The following KMT2C variants were observed in gnomAD, a reference collection of about 807,000 sequenced individuals.
KMT2C encodes histone-lysine N-methyltransferase 2C.
In KMT2C, 88 loss-of-function variants were observed where a neutral mutation model predicts 507.9. The ratio of observed to expected loss-of-function variants is 0.17; its 90% CI spans 0.15 to 0.21. The LOEUF (loss-of-function observed/expected upper bound fraction) is 0.21, where lower values mean the gene tolerates loss of function less well. KMT2C is among the 10% of genes least tolerant of loss of function. The pLI is 1.00. For synonymous variants in KMT2C, 2,049 were observed against 2,080.8 expected (o/e 0.98, Z 0.42); for missense variants, 4,954 against 5,957.8 (o/e 0.83, Z 5.55).
intron 43 of KMT2C, among the ~76,000 whole-genome samples, chr7:152,160,643 A>T (rs1225435753): frequency 2.0e-5 from 3 of 146,780 alleles, no homozygotes; most frequent in Non-Finnish European, 3.0e-5. Flanking sequence ...ATTTATATTT[A>T]TATATATATT....
chr7:152,286,676 C>T (rs9632650), intron 6 of KMT2C, among the ~76,000 whole-genome samples: 1 of 151,870 alleles, frequency 6.6e-6, no homozygotes, highest in Non-Finnish European at 1.5e-5. Flanking sequence ...AACCCTTAGC[C>T]GTGATACATA....
At chr7:152,297,064 AGAGAG>A (rs1563767870) in intron 6 of KMT2C, among the ~76,000 whole-genome samples, 19 of 114,740 alleles carry the variant, frequency 1.7e-4, no homozygotes, top group African/African-American at 8.7e-4. Context: ...ACAGAGAGAG[AGAGAG>A]AGAGAGAGAG....
chr7:152,223,430 T>C (rs2094835175), intron 20 of KMT2C, among the ~76,000 whole-genome samples: 1 of 152,116 alleles, frequency 6.6e-6, no homozygotes, highest in South Asian at 2.1e-4. Flanking sequence ...AGAAACGGCA[T>C]AGATGAAGGC....
intron 2 of KMT2C, among the ~76,000 whole-genome samples, chr7:152,332,195 A>ACAG (rs2096890915): frequency 6.6e-6 from 1 of 152,098 alleles, no homozygotes; most frequent in Non-Finnish European, 1.5e-5. Flanking sequence ...AGGCAGCCTA[A>ACAG]CAGCTGAGAG....
Position 152,167,188 on chromosome 7 carries a change from A to G in KMT2C, c.9708T>C (p.His3236=). 1 of 1,614,202 alleles carries G rather than the reference A, an allele frequency of 6.2e-7. No homozygotes were observed. The highest frequency in any genetic ancestry group is 8.5e-7 in the Non-Finnish European group (1 of 1,180,034). ...FPEEDAEQLK[H]VTEQQSMVQK... ...GAACCATGCTTTGCTGTTCAGTAAC[A>G]TGCTTGAGTTGTTCTGCATCTTCCT... The change falls in exon 42 of 59, where the codon CAT becomes CAC. Residue 3236 remains histidine (H), a synonymous_variant. Transcript: ENST00000262189.
In KMT2C at chr7:152,322,058, C is replaced by CAAA. The variant is rs34263222; in HGVS notation, c.390-6723_390-6721dup. On this transcript the variant is annotated intron_variant, in intron 3 of 58. Coordinates refer to ENST00000262189, the MANE Select transcript of KMT2C (RefSeq NM_170606.3). ...AATCAAAATAGTATGGTACTGGCAC[C>CAAA]AAAAAAAAAAAAACCATACATCTGG... 3.0e-3 allele frequency among the ~76,000 whole-genome samples: 411 copies of CAAA among 138,132 alleles called. 3 individuals carry two copies. The highest frequency in any genetic ancestry group is 0.01 in the African/African-American group (389 of 38,028). 90.6% of individuals were successfully genotyped at this position (138,132 alleles called of 152,430 possible).
intron 1 of KMT2C, among the ~76,000 whole-genome samples, chr7:152,359,971 C>G (rs1226525591): frequency 7.2e-6 from 1 of 139,584 alleles, no homozygotes; most frequent in Non-Finnish European, 1.5e-5. Context: ...ATCGCTTGAA[C>G]CTGACAGATG....
At chr7:152,206,731 A>G (rs2094318947) in intron 24 of KMT2C, among the ~76,000 whole-genome samples, 6 of 152,218 alleles carry the variant, frequency 3.9e-5, no homozygotes, top group Admixed American at 3.9e-4. Context: ...ATTTTTTCCA[A>G]TAAGGCAAAT....
intron 55 of KMT2C, among the ~76,000 whole-genome samples, chr7:152,143,664 G>A (rs2090826433): frequency 2.6e-5 from 4 of 152,190 alleles, no homozygotes; most frequent in South Asian, 2.1e-4. Context: ...GGAAGGTCAC[G>A]ATGCTCCAGG....
In KMT2C at chr7:152,163,688, G is replaced by C; in HGVS notation, c.9889C>G (p.Pro3297Ala). Residue 3297 changes from proline (P) to alanine (A), a missense_variant, in exon 43 of 59, where the codon CCC becomes GCC. Pro to Ala is a conservative substitution (Grantham distance 27, BLOSUM62 -1). Around this residue, in one of 29 missense-constraint regions of KMT2C, gnomAD observed 801 missense variants for 751.2 expected, o/e 1.07. Coordinates refer to ENST00000262189, the MANE Select transcript of KMT2C (RefSeq NM_170606.3). ...QPPLIPGATP[P>A]TMSQPTFPMV... Reference sequence around the variant, plus strand: ...GGAAAGGTGGGTTGGCTCATGGTGGGTGGAGTGGCACCTGGAATTAGGGGT... The same window carrying C: ...GGAAAGGTGGGTTGGCTCATGGTGGCTGGAGTGGCACCTGGAATTAGGGGT... The C allele has an allele frequency of 6.2e-7, 1 of 1,614,112 alleles. No individual in the cohort carries two copies. The highest frequency in any genetic ancestry group is 8.5e-7 in the Non-Finnish European group (1 of 1,179,992).
chr7:152,236,991 G>A (rs1264355390), intron 15 of KMT2C, among the ~76,000 whole-genome samples: 11 of 152,116 alleles, frequency 7.2e-5, no homozygotes, highest in Admixed American at 1.3e-4. Flanking sequence ...AAACCTATGG[G>A]AAAATGTGTT....
At chr7:152,172,607 A>C (rs1382371331) in intron 39 of KMT2C, among the ~76,000 whole-genome samples, 1 of 152,200 alleles carries the variant, frequency 6.6e-6, no homozygotes, top group Non-Finnish European at 1.5e-5. Flanking sequence ...GATGCAGGAG[A>C]ATCGCTTGAA....
chr7:152,435,118 A>G (rs989335411), intron 1 of KMT2C, among the ~76,000 whole-genome samples: 3 of 152,072 alleles, frequency 2.0e-5, no homozygotes, highest in Non-Finnish European at 2.9e-5. Context: ...GTCGCTGACA[A>G]ACAAAAGCTG....
chr7:152,289,483 ATG>A (rs761769971), intron 6 of KMT2C, among the ~76,000 whole-genome samples: 73 of 152,354 alleles, frequency 4.8e-4, no homozygotes, highest in Non-Finnish European at 9.3e-4. Context: ...ATTTGTGATC[ATG>A]TGATTTATAA....
chr7:152,430,112 CAGCCACAGTG>C (rs2097852350), intron 1 of KMT2C, among the ~76,000 whole-genome samples: 2 of 149,472 alleles, frequency 1.3e-5, no homozygotes, highest in Admixed American at 1.3e-4. Flanking sequence ...CGGAGGGCGG[CAGCCACAGTG>C]AGCCAGGATC....
intron 1 of KMT2C, chr7:152,368,719 T>A: frequency 8.3e-7 from 1 of 1,204,608 alleles, no homozygotes. Flanking sequence ...TGGACATCAG[T>A]GTTTGTTGGA....
At chr7:152,409,745 AAAATAAAAAT>A (rs1009788816) in intron 1 of KMT2C, among the ~76,000 whole-genome samples, 7 of 152,110 alleles carry the variant, frequency 4.6e-5, no homozygotes, top group African/African-American at 1.7e-4. Context: ...AAAATAAAAT[AAAATAAAAAT>A]AAATAAAATA....
chr7:152,236,628 C>A (rs2095280436), intron 15 of KMT2C, among the ~76,000 whole-genome samples: 1 of 152,152 alleles, frequency 6.6e-6, no homozygotes, highest in Admixed American at 6.5e-5. Flanking sequence ...TTCAACAGTT[C>A]TCTTATGAAC....
At chr7:152,176,107 T>A (rs2093196975) in intron 38 of KMT2C, 84 bp downstream of exon 38, 1 of 1,292,848 alleles carries the variant, frequency 7.7e-7, no homozygotes, top group Non-Finnish European at 1.1e-6. Flanking sequence ...CCAACTGTAA[T>A]TCTAATAATA....
Sources: gnomAD v4.1 joint callset for allele counts (sites outside exome capture counted in the v4.1 genomes callset) on GRCh38, gnomAD v4.1.1 for gene constraint, gnomAD v4.1.1 regional missense constraint, MANE v1.5 for transcripts, NCBI Gene and HGNC (gene_info 2026-07-23, HGNC 2026-07-21) for gene names.